The following ANKS1B variants were observed in gnomAD, a reference collection of about 807,000 sequenced individuals.
The protein encoded by ANKS1B is ankyrin repeat and sterile alpha motif domain containing 1B.
Under a neutral mutation model 148.3 loss-of-function variants are expected in ANKS1B, and 36 were observed. The observed-to-expected ratio is 0.24, with a 90% CI of 0.19 to 0.32. The LOEUF (loss-of-function observed/expected upper bound fraction) is 0.32. Ranked by LOEUF, ANKS1B falls within the 10% of genes least tolerant of loss-of-function variation. The pLI, the probability that ANKS1B is intolerant of heterozygous loss-of-function variation, is 1.00. For missense variants in ANKS1B, 1,157 were observed against 1,542.6 expected, an observed-to-expected ratio of 0.75 and a Z score of 4.19; for synonymous variants, 542 against 560.8, an observed-to-expected ratio of 0.97 and a Z score of 0.47.
chr12:99,688,694 A>C (rs112531105), intron 8 of ANKS1B, among the ~76,000 whole-genome samples: 37 of 152,226 alleles, frequency 2.4e-4, no homozygotes, highest in African/African-American at 8.9e-4. Context: ...AGCCAAGTAT[A>C]GTGGTGCACA....
In ANKS1B at chr12:99,891,600, ATCT is replaced by A. The variant is rs1388358973; in HGVS notation, c.135-66214_135-66212del. Among the ~76,000 whole-genome samples, 17 of 152,276 alleles carry A rather than the reference ATCT, an allele frequency of 1.1e-4. 1 individual carries two copies. In the East Asian group the frequency reaches 2.7e-3, roughly 24 times the overall value. On this transcript the variant is annotated intron_variant, in intron 1 of 26. Transcript: ENST00000683438. ...TCATGTGTTTATTAGCCATTTGTAG[ATCT>A]TCTTCAGTGAAATGTCTATTAGAAT...
chr12:99,271,662 C>CTA (rs59207203), intron 12 of ANKS1B, among the ~76,000 whole-genome samples: 9,825 of 93,954 alleles, frequency 0.1, 650 homozygotes, highest in South Asian at 0.22. Flanking sequence ...AGTCAATAAA[C>CTA]TATATATATA....
chr12:99,887,637 G>T (rs1168235438), intron 1 of ANKS1B, among the ~76,000 whole-genome samples: 1 of 152,130 alleles, frequency 6.6e-6, no homozygotes, highest in African/African-American at 2.4e-5. Context: ...TCACTAAGAT[G>T]ACTTTTCCCA....
At chr12:99,898,611 C>T (rs2093473059) in intron 1 of ANKS1B, among the ~76,000 whole-genome samples, 1 of 152,150 alleles carries the variant, frequency 6.6e-6, no homozygotes, top group Non-Finnish European at 1.5e-5. Flanking sequence ...TTGGCCCTGG[C>T]TTCCATGACC....
chr12:99,792,111 G>C (rs1157622690), intron 4 of ANKS1B, among the ~76,000 whole-genome samples: 1 of 151,760 alleles, frequency 6.6e-6, no homozygotes, highest in Non-Finnish European at 1.5e-5. Context: ...TGGCTGATAT[G>C]AACAACTACA....
At chr12:98,867,006 A>G (rs1440380140) in intron 17 of ANKS1B, among the ~76,000 whole-genome samples, 3 of 152,246 alleles carry the variant, frequency 2.0e-5, no homozygotes, top group African/African-American at 7.2e-5. Flanking sequence ...TGAATAAACA[A>G]ATACACAAAT....
Position 99,036,981 on chromosome 12 carries a change from T to C in ANKS1B, c.2778+16176A>G, listed in dbSNP as rs144186031. 3.5e-4 allele frequency among the ~76,000 whole-genome samples: 54 copies of C among 152,330 alleles called. No homozygotes were observed. The East Asian group carries it at 0.01, about 28-fold the overall frequency. ...ATTGGCAGCACTTGTTTTTCTTTTG[T>C]AGGAATGCATAACATAATGATGCAT... On this transcript the variant is annotated intron_variant, in intron 17 of 26. Coordinates refer to ENST00000683438, the MANE Select transcript of ANKS1B (RefSeq NM_001352186.2).
intron 9 of ANKS1B, among the ~76,000 whole-genome samples, chr12:99,573,846 C>T (rs112767297): frequency 2.4e-3 from 361 of 152,114 alleles, no homozygotes; most frequent in African/African-American, 7.9e-3. Flanking sequence ...GAAGTCAATA[C>T]GTCCACCTAT....
At chr12:99,667,219 C>T (rs975801717) in intron 8 of ANKS1B, among the ~76,000 whole-genome samples, 1 of 151,808 alleles carries the variant, frequency 6.6e-6, no homozygotes, top group Admixed American at 6.6e-5. Context: ...TGTGGTGGCA[C>T]GCACCTGTAG....
At chr12:99,641,612 A>C (rs1250719504) in intron 9 of ANKS1B, among the ~76,000 whole-genome samples, 2 of 152,202 alleles carry the variant, frequency 1.3e-5, no homozygotes, top group Non-Finnish European at 2.9e-5. Flanking sequence ...TACTTATCAA[A>C]CCATCATTTT....
chr12:99,348,334 T>G (rs1305462929), intron 12 of ANKS1B, among the ~76,000 whole-genome samples: 2 of 151,786 alleles, frequency 1.3e-5, no homozygotes, highest in African/African-American at 4.8e-5. Context: ...ATATTCTTCT[T>G]GATAGTTACC....
intron 22 of ANKS1B, among the ~76,000 whole-genome samples, chr12:98,792,978 C>T (rs1486029046): frequency 6.6e-6 from 1 of 152,122 alleles, no homozygotes; most frequent in Non-Finnish European, 1.5e-5. Context: ...TGGATATATA[C>T]CCAATAGTGG....
intron 1 of ANKS1B, among the ~76,000 whole-genome samples, chr12:99,924,433 A>C (rs1443978105): frequency 6.6e-6 from 1 of 152,172 alleles, no homozygotes; most frequent in Non-Finnish European, 1.5e-5. Context: ...AGCAATATCT[A>C]ATTTCTTAGT....
At chr12:99,955,810 T>C (rs1359877294) in intron 1 of ANKS1B, among the ~76,000 whole-genome samples, 1 of 152,142 alleles carries the variant, frequency 6.6e-6, no homozygotes, top group African/African-American at 2.4e-5. Context: ...TTAAAAAAAG[T>C]ATCCATAAAT....
At chr12:99,256,915 C>T (rs2075321047) in intron 12 of ANKS1B, among the ~76,000 whole-genome samples, 1 of 152,068 alleles carries the variant, frequency 6.6e-6, no homozygotes, top group African/African-American at 2.4e-5. Flanking sequence ...AGCCATTATC[C>T]ATCAAAAAAT....
chr12:99,776,667 T>G (rs2063678345), intron 6 of ANKS1B, among the ~76,000 whole-genome samples: 1 of 134,464 alleles, frequency 7.4e-6, no homozygotes, highest in Non-Finnish European at 1.6e-5. Flanking sequence ...CCTAGGGTTT[T>G]TTTTGTTTCT....
At chr12:99,586,520 T>C (rs2097642025) in intron 9 of ANKS1B, among the ~76,000 whole-genome samples, 1 of 152,212 alleles carries the variant, frequency 6.6e-6, no homozygotes, top group Admixed American at 6.5e-5. Flanking sequence ...CACATTTTCC[T>C]GTCTTCTTCT....
chr12:99,434,361 T>A (rs1428712681), intron 11 of ANKS1B, among the ~76,000 whole-genome samples: 1 of 152,174 alleles, frequency 6.6e-6, no homozygotes, highest in African/African-American at 2.4e-5. Context: ...CATTCTTTTA[T>A]TTAATTACAC....
chr12:98,895,527 C>T (rs1479772821), intron 17 of ANKS1B, among the ~76,000 whole-genome samples: 1 of 152,240 alleles, frequency 6.6e-6, no homozygotes, highest in Admixed American at 6.5e-5. Context: ...CGGGTTTCTT[C>T]TCACTAACCA....
Sources: allele counts gnomAD v4.1 joint callset (sites outside exome capture counted in the v4.1 genomes callset), GRCh38; gene constraint gnomAD v4.1.1; transcripts MANE v1.5; gene names NCBI Gene and HGNC (gene_info 2026-07-23, HGNC 2026-07-21).